The following ZFP64 variants were observed in gnomAD, a reference collection of about 807,000 sequenced individuals.
The protein encoded by ZFP64 is zinc finger protein 64.
ZFP64 carries 14 observed loss-of-function variants against 51.6 expected under a neutral mutation model. That is an observed-to-expected ratio of 0.27 (90% confidence interval 0.18 to 0.42). ZFP64 has a LOEUF of 0.42. Among genes scored for constraint, ZFP64 ranks in the 10% least tolerant of loss-of-function variants. The probability of loss-of-function intolerance (pLI) is 1.00; values close to 1 mark genes in which losing one functional copy is unlikely to be tolerated. For synonymous variants in ZFP64, 375 were observed against 361.4 expected, an observed-to-expected ratio of 1.04 and a Z score of -0.43; for missense variants, 754 against 906.8, an observed-to-expected ratio of 0.83 and a Z score of 2.16.
exon 9 of ZFP64, chr20:52,084,996 C>T: frequency 6.2e-7 from 1 of 1,614,110 alleles, no homozygotes; most frequent in Non-Finnish European, 8.5e-7. Context: ...GGAGTAGCTG[C>T]ACTCTGGACA....
At chr20:52,096,602 A>C (rs1450340239) in intron 7 of ZFP64, among the ~76,000 whole-genome samples, 1 of 152,228 alleles carries the variant, frequency 6.6e-6, no homozygotes, top group East Asian at 1.9e-4. Context: ...GTAGTATTTT[A>C]GGCAGGATGG....
intron 5 of ZFP64, among the ~76,000 whole-genome samples, chr20:52,119,914 T>C (rs781152948): frequency 1.6e-4 from 25 of 151,998 alleles, no homozygotes; most frequent in South Asian, 2.1e-4. Context: ...AAAAAGAATA[T>C]GATTAAATAA....
chr20:52,110,793 C>G (rs1978520484), intron 5 of ZFP64: 2 of 1,595,542 alleles, frequency 1.3e-6, no homozygotes, highest in South Asian at 2.2e-5. Flanking sequence ...CTGGGTAGCT[C>G]TCTTTGAGCA....
intron 5 of ZFP64, among the ~76,000 whole-genome samples, chr20:52,100,205 G>A (rs1391676496): frequency 6.6e-6 from 1 of 151,794 alleles, no homozygotes; most frequent in East Asian, 1.9e-4. Flanking sequence ...TAGCCAGGAT[G>A]GTCTCGATCT....
chr20:52,171,057 T>C (rs1982676470), intron 2 of ZFP64, among the ~76,000 whole-genome samples: 1 of 152,220 alleles, frequency 6.6e-6, no homozygotes, highest in Non-Finnish European at 1.5e-5. Context: ...ATATTAATAG[T>C]ATTCTGTTGC....
intron 5 of ZFP64, among the ~76,000 whole-genome samples, chr20:52,132,178 A>G (rs1289560915): frequency 2.0e-5 from 3 of 152,160 alleles, no homozygotes; most frequent in African/African-American, 7.2e-5. Flanking sequence ...ACAAATGATA[A>G]TGGAAATACA....
At chr20:52,180,547 C>CAAAAAAAAAAAAAAAA (rs10669415) in intron 2 of ZFP64, among the ~76,000 whole-genome samples, 12 of 87,200 alleles carry the variant, frequency 1.4e-4, no homozygotes, top group Non-Finnish European at 2.1e-4. Context: ...CCAGAAATGG[C>CAAAAAAAAAAAAAAAA]AAAAAAAAAA....
chr20:52,121,867 CTGGTGACT>C (rs1342288847), intron 5 of ZFP64, among the ~76,000 whole-genome samples: 1 of 152,178 alleles, frequency 6.6e-6, no homozygotes, highest in East Asian at 1.9e-4. Flanking sequence ...GCTAATGTAG[CTGGTGACT>C]TGAAGTTGAA....
chr20:52,165,398 T>G, intron 3 of ZFP64: 1 of 453,486 alleles, frequency 2.2e-6, no homozygotes, highest in Non-Finnish European at 4.4e-6. Flanking sequence ...CTTGTATATA[T>G]ATTTGTATAT....
intron 5 of ZFP64, among the ~76,000 whole-genome samples, chr20:52,117,021 G>T (rs567056085): frequency 6.6e-6 from 1 of 152,104 alleles, no homozygotes; most frequent in Non-Finnish European, 1.5e-5. Flanking sequence ...GCAGTGAGCC[G>T]AGATCGTGCC....
At chr20:52,165,145 G>A (rs1237359595) in intron 3 of ZFP64, 3 of 460,886 alleles carry the variant, frequency 6.5e-6, no homozygotes, top group Non-Finnish European at 8.7e-6. Context: ...TGGATCAGAG[G>A]GGAAAAATGT....
At chr20:52,166,787 A>G (rs1304274688) in intron 2 of ZFP64, among the ~76,000 whole-genome samples, 2 of 152,128 alleles carry the variant, frequency 1.3e-5, no homozygotes, top group Non-Finnish European at 2.9e-5. Flanking sequence ...TTATGTCCCT[A>G]TAATTTATGC....
intron 8 of ZFP64, among the ~76,000 whole-genome samples, chr20:52,086,360 G>C (rs1049863774): frequency 6.6e-6 from 1 of 151,994 alleles, no homozygotes; most frequent in Non-Finnish European, 1.5e-5. Flanking sequence ...CTTTTCTTAC[G>C]TGTTGCTCAT....
intron 5 of ZFP64, among the ~76,000 whole-genome samples, chr20:52,140,706 G>A (rs1980211654): frequency 6.6e-6 from 1 of 152,194 alleles, no homozygotes; most frequent in Non-Finnish European, 1.5e-5. Context: ...GCTGCAGCAA[G>A]TTACCCAGAA....
chr20:52,178,978 C>A (rs1019602323), intron 2 of ZFP64, among the ~76,000 whole-genome samples: 1 of 152,122 alleles, frequency 6.6e-6, no homozygotes, highest in Non-Finnish European at 1.5e-5. Context: ...ACACAACAAC[C>A]CTAAAGTGAC....
At chr20:52,091,697 T>TATG (rs1289069597) in intron 7 of ZFP64, among the ~76,000 whole-genome samples, 1 of 151,812 alleles carries the variant, frequency 6.6e-6, no homozygotes, top group Non-Finnish European at 1.5e-5. Context: ...TTTCAAAACC[T>TATG]ATGGCCGTGG....
intron 5 of ZFP64, among the ~76,000 whole-genome samples, chr20:52,106,300 C>T (rs1978316480): frequency 6.6e-6 from 1 of 152,218 alleles, no homozygotes; most frequent in Admixed American, 6.5e-5. Flanking sequence ...GCAAGAAAGC[C>T]ACCTACATCC....
intron 5 of ZFP64, among the ~76,000 whole-genome samples, chr20:52,158,617 A>T (rs901344793): frequency 6.6e-6 from 1 of 152,138 alleles, no homozygotes; most frequent in Non-Finnish European, 1.5e-5. Context: ...GAGGCAGGAG[A>T]ATCACTTGAA....
At chr20:52,088,333 T>C (rs2078885687) in intron 8 of ZFP64, 1 of 1,590,974 alleles carries the variant, frequency 6.3e-7, no homozygotes, top group Non-Finnish European at 8.5e-7. Context: ...GTTAAGTAAA[T>C]GAAGGTTAAG....
Sources: gnomAD v4.1 joint callset for allele counts (sites outside exome capture counted in the v4.1 genomes callset) on GRCh38, gnomAD v4.1.1 for gene constraint, MANE v1.5 for transcripts, NCBI Gene and HGNC (gene_info 2026-07-23, HGNC 2026-07-21) for gene names.